Variants in IRGM observed in about 807,000 individuals in gnomAD.
The protein encoded by IRGM is immunity related GTPase M.
For synonymous variants in IRGM, 98 were observed against 80.6 expected, an observed-to-expected ratio of 1.22 and a Z score of -1.16; for missense variants, 288 against 219.9, an observed-to-expected ratio of 1.31 and a Z score of -1.96.
chr5:150,869,436 T>A (rs1452533940), intron 1 of IRGM, among the ~76,000 whole-genome samples: 1 of 152,130 alleles, frequency 6.6e-6, no homozygotes, highest in Admixed American at 6.5e-5. Context: ...TGATCTGTAG[T>A]TTTCCTTTTT....
intron 1 of IRGM, among the ~76,000 whole-genome samples, chr5:150,867,428 C>T (rs932718673): frequency 6.6e-6 from 1 of 152,078 alleles, no homozygotes; most frequent in Non-Finnish European, 1.5e-5. Flanking sequence ...GTGAATTTTG[C>T]TGCTATAAAC....
At chr5:150,865,937 G>T (rs1414086832) in intron 1 of IRGM, among the ~76,000 whole-genome samples, 1 of 151,880 alleles carries the variant, frequency 6.6e-6, no homozygotes, top group Non-Finnish European at 1.5e-5. Context: ...TTGTATTTTT[G>T]GTAGAGATGG....
At chr5:150,896,499 C>T (rs1170039678) in intron 3 of IRGM, 1 of 1,613,466 alleles carries the variant, frequency 6.2e-7, no homozygotes, top group East Asian at 2.2e-5. Context: ...AAAAACGTTT[C>T]CACACTGATT....
At chr5:150,885,853 T>C (rs1436218482) in intron 3 of IRGM, among the ~76,000 whole-genome samples, 1 of 152,136 alleles carries the variant, frequency 6.6e-6, no homozygotes, top group Non-Finnish European at 1.5e-5. Context: ...AACCGTGCTA[T>C]CTGCAAACAG....
chr5:150,889,797 T>C lies in IRGM; in HGVS notation c.*140+10151T>C, dbSNP rs554039223. 1.9e-4 allele frequency among the ~76,000 whole-genome samples: 29 copies of C among 152,200 alleles called. No homozygotes were observed. The South Asian group carries it at 3.3e-3, about 17-fold the overall frequency. On this transcript the variant is annotated intron_variant and NMD_transcript_variant, in intron 3 of 3. Coordinates refer to the IRGM transcript ENST00000520549. ...TTTTTCATCTTTTGAGATAATATGGTTTCCCTTTTTGTTTGCTAATGTGGT... is the reference window on the plus strand; with the variant it reads ...TTTTTCATCTTTTGAGATAATATGGCTTCCCTTTTTGTTTGCTAATGTGGT...
intron 3 of IRGM, among the ~76,000 whole-genome samples, chr5:150,888,006 G>A (rs1025735149): frequency 6.6e-6 from 1 of 151,882 alleles, no homozygotes; most frequent in Non-Finnish European, 1.5e-5. Flanking sequence ...TGAGTGGCCC[G>A]CTGGATAAAA....
chr5:150,855,472 TG>T (rs894580467), intron 1 of IRGM, among the ~76,000 whole-genome samples: 1 of 152,160 alleles, frequency 6.6e-6, no homozygotes, highest in Non-Finnish European at 1.5e-5. Flanking sequence ...GAGAAGTGAC[TG>T]AAACGGTTTC....
intron 3 of IRGM, among the ~76,000 whole-genome samples, chr5:150,885,119 A>G (rs1262275145): frequency 6.6e-6 from 1 of 152,144 alleles, no homozygotes; most frequent in Non-Finnish European, 1.5e-5. Context: ...GTTCAGCTTC[A>G]ATCTTCTTTA....
intron 3 of IRGM, among the ~76,000 whole-genome samples, chr5:150,893,429 A>T (rs940124819): frequency 6.6e-6 from 1 of 152,184 alleles, no homozygotes; most frequent in African/African-American, 2.4e-5. Context: ...TCATTTTAGA[A>T]CCAAATTATA....
downstream of IRGM, among the ~76,000 whole-genome samples, chr5:150,852,476 A>G (rs952986649): frequency 2.0e-5 from 3 of 152,162 alleles, no homozygotes; most frequent in Non-Finnish European, 4.4e-5. Context: ...TACTAAAACT[A>G]TAATCAAAGC....
chr5:150,882,757 A>G (rs779643845), intron 3 of IRGM, among the ~76,000 whole-genome samples: 7 of 152,186 alleles, frequency 4.6e-5, no homozygotes, highest in Admixed American at 1.3e-4. Flanking sequence ...TATAGATTGC[A>G]ATACAAAAAT....
chr5:150,857,808 G>A (rs369466106), intron 1 of IRGM, among the ~76,000 whole-genome samples: 17 of 151,476 alleles, frequency 1.1e-4, no homozygotes, highest in East Asian at 5.8e-4. Context: ...TGTTTGAGTT[G>A]TAGATTCTGG....
chr5:150,898,028 C>CAATT, intron 3 of IRGM: 1 of 1,597,214 alleles, frequency 6.3e-7, no homozygotes, highest in East Asian at 2.2e-5. Flanking sequence ...AGGCACCAAT[C>CAATT]AATTAAAAAA....
At chr5:150,886,047 G>A (rs1280744772) in intron 3 of IRGM, among the ~76,000 whole-genome samples, 1 of 152,008 alleles carries the variant, frequency 6.6e-6, no homozygotes, top group Non-Finnish European at 1.5e-5. Flanking sequence ...GTTTGTCACA[G>A]ATGGCTCTTA....
At position 150,888,257 on chromosome 5, in the gene IRGM, CAAG is replaced by C. The variant is rs569409241; in HGVS notation, c.*140+8615_*140+8617del. Among the ~76,000 whole-genome samples, 4 of 151,932 alleles carry C rather than the reference CAAG, an allele frequency of 2.6e-5. No homozygotes were observed. The South Asian group carries it at 6.2e-4, about 24-fold the overall frequency. On this transcript the variant is annotated intron_variant and NMD_transcript_variant, in intron 3 of 3. Coordinates refer to the IRGM transcript ENST00000520549. ...CATAATGGTAAAGGGTTCAATTCAA[CAAG>C]AAGGTCTAACTATCCTAAATATAAA...
chr5:150,852,800 C>A (rs547149023), downstream of IRGM, among the ~76,000 whole-genome samples: 1 of 152,128 alleles, frequency 6.6e-6, no homozygotes, highest in South Asian at 2.1e-4. Flanking sequence ...ACAACTATTT[C>A]TATTTCGGGT....
At chr5:150,888,176 A>G (rs1307131329) in intron 3 of IRGM, among the ~76,000 whole-genome samples, 1 of 151,924 alleles carries the variant, frequency 6.6e-6, no homozygotes, top group Non-Finnish European at 1.5e-5. Flanking sequence ...ACAAACAAAC[A>G]AACGAAAAAC....
At chr5:150,866,067 T>TCC (rs1318994683) in intron 1 of IRGM, among the ~76,000 whole-genome samples, 1 of 152,206 alleles carries the variant, frequency 6.6e-6, no homozygotes, top group Non-Finnish European at 1.5e-5. Flanking sequence ...AAGGATGTCT[T>TCC]TTTAACTTCA....
chr5:150,889,879 C>A (rs7709464), intron 3 of IRGM, among the ~76,000 whole-genome samples: 31,790 of 151,898 alleles, frequency 0.21, 5,374 homozygotes, highest in African/African-American at 0.45. Flanking sequence ...TGAGAGAAAA[C>A]CTACTTGGGT....
Sources: gnomAD v4.1 joint callset for allele counts (sites outside exome capture counted in the v4.1 genomes callset) on GRCh38, gnomAD v4.1.1 for gene constraint, MANE v1.5 for transcripts, NCBI Gene and HGNC (gene_info 2026-07-23, HGNC 2026-07-21) for gene names.